Variants in CCDC146 observed in about 807,000 individuals in gnomAD.
The protein encoded by CCDC146 is coiled-coil domain containing 146.
A neutral mutation model predicts 119.3 loss-of-function variants in CCDC146; 92 were observed. The observed-to-expected ratio is 0.77, with a 90% confidence interval of 0.65 to 0.92. The LOEUF (loss-of-function observed/expected upper bound fraction) is 0.92, where lower values mean the gene tolerates loss of function less well. Ranked by LOEUF, CCDC146 falls within the 40% of genes least tolerant of loss-of-function variation. The pLI, the probability that CCDC146 is intolerant of heterozygous loss-of-function variation, is 0.00. For missense variants in CCDC146, 1,000 were observed against 1,103.0 expected, an observed-to-expected ratio of 0.91 and a Z score of 1.32; for synonymous variants, 372 against 371.8, an observed-to-expected ratio of 1.00 and a Z score of -0.01.
At chr7:77,245,445 C>T (rs553085628) in intron 4 of CCDC146, among the ~76,000 whole-genome samples, 1 of 152,176 alleles carries the variant, frequency 6.6e-6, no homozygotes, top group Non-Finnish European at 1.5e-5. Flanking sequence ...ACAGCAAATA[C>T]GTTGCGTCTT....
At chr7:77,134,563 C>CTGTGTGTGTGTG (rs1554345524) in intron 1 of CCDC146, among the ~76,000 whole-genome samples, 10 of 139,406 alleles carry the variant, frequency 7.2e-5, no homozygotes, top group African/African-American at 2.7e-4. Context: ...GTGTGTGTGT[C>CTGTGTGTGTGTG]TGTGTGTGTG....
intron 2 of CCDC146, among the ~76,000 whole-genome samples, chr7:77,178,973 G>T (rs1379114744): frequency 6.6e-6 from 1 of 152,122 alleles, no homozygotes; most frequent in Admixed American, 6.6e-5. Context: ...GGGTACTGTT[G>T]TCTGTTGGGT....
chr7:77,271,655 C>A (rs1258828801), intron 9 of CCDC146, among the ~76,000 whole-genome samples: 4 of 149,358 alleles, frequency 2.7e-5, no homozygotes, highest in African/African-American at 9.9e-5. Flanking sequence ...GGCTCTGCTA[C>A]CAATGGCTTA....
intron 1 of CCDC146, among the ~76,000 whole-genome samples, chr7:77,140,577 G>A (rs1275410423): frequency 1.3e-5 from 2 of 152,110 alleles, no homozygotes; most frequent in South Asian, 2.1e-4. Flanking sequence ...TAATCCCATC[G>A]TGAGGCTCCA....
chr7:77,293,292 T>C, intron 18 of CCDC146, 92 bp downstream of exon 18: 1 of 1,372,900 alleles, frequency 7.3e-7, no homozygotes, highest in Admixed American at 2.1e-5. Flanking sequence ...TAAGAAAAAT[T>C]TCCCCACTCT....
rs1219270984 is a variant in CCDC146, at chr7:77,278,939, TGA to T, written c.1538_1539del (p.Glu513ValfsTer3). On this transcript the variant is annotated frameshift_variant, in exon 13 of 19. Coordinates refer to ENST00000285871, the MANE Select transcript of CCDC146 (RefSeq NM_020879.3). LOFTEE classifies it high-confidence loss of function. ...GTAAACACTTTGTATTTTTACAGAC[TGA>T]GAGAGTTTGCTAAACTGTATGACAC... is the stretch of plus-strand genomic sequence containing the variant. The T allele has an allele frequency of 4.4e-6, 7 of 1,608,432 alleles. No individual in the cohort carries two copies. The South Asian group carries it at 7.8e-5, about 18-fold the overall frequency.
intron 4 of CCDC146, among the ~76,000 whole-genome samples, chr7:77,254,077 C>G (rs1793131110): frequency 6.6e-6 from 1 of 152,124 alleles, no homozygotes; most frequent in South Asian, 2.1e-4. Flanking sequence ...GTTAAAAAAT[C>G]ACTGTGGTAT....
chr7:77,246,510 T>C (rs1181648084), intron 4 of CCDC146: 2 of 152,138 alleles, frequency 1.3e-5, no homozygotes, highest in African/African-American at 4.8e-5. Flanking sequence ...AGATTTAAGT[T>C]TTAATGCAAG....
intron 2 of CCDC146, among the ~76,000 whole-genome samples, chr7:77,201,928 A>AT (rs1562831686): frequency 6.6e-6 from 1 of 152,112 alleles, no homozygotes; most frequent in African/African-American, 2.4e-5. Flanking sequence ...AAAAAAAACC[A>AT]TTTTGTAAAG....
intron 17 of CCDC146, among the ~76,000 whole-genome samples, chr7:77,288,760 G>T (rs1217320969): frequency 1.3e-5 from 2 of 152,194 alleles, no homozygotes; most frequent in Non-Finnish European, 2.9e-5. Flanking sequence ...CTAGTAGGGG[G>T]AGACAGATGA....
intron 2 of CCDC146, among the ~76,000 whole-genome samples, chr7:77,235,654 AT>A (rs1792720227): frequency 6.6e-6 from 1 of 152,134 alleles, no homozygotes; most frequent in Non-Finnish European, 1.5e-5. Flanking sequence ...ACCTTGTCTG[AT>A]TTTTAAAAAG....
chr7:77,262,480 T>C (rs1031932617), intron 9 of CCDC146, among the ~76,000 whole-genome samples, 173 bp downstream of exon 9: 1 of 152,232 alleles, frequency 6.6e-6, no homozygotes, highest in African/African-American at 2.4e-5. Flanking sequence ...CCTATAATGT[T>C]TCGTAATCTC....
intron 2 of CCDC146, among the ~76,000 whole-genome samples, chr7:77,226,709 T>G (rs964137751): frequency 2.0e-5 from 3 of 152,244 alleles, no homozygotes; most frequent in Admixed American, 1.3e-4. Context: ...CTTTGACAAT[T>G]TAAGATTGAA....
At chr7:77,174,328 G>A (rs1791470528) in intron 2 of CCDC146, among the ~76,000 whole-genome samples, 2 of 152,176 alleles carry the variant, frequency 1.3e-5, no homozygotes, top group Admixed American at 6.5e-5. Context: ...TTGCCCTTGA[G>A]AGGGTTGTGA....
At chr7:77,208,087 A>G (rs1240713869) in intron 2 of CCDC146, among the ~76,000 whole-genome samples, 2 of 152,218 alleles carry the variant, frequency 1.3e-5, no homozygotes, top group Non-Finnish European at 2.9e-5. Flanking sequence ...GGCACAGGCA[A>G]CATGTTTGGC....
chr7:77,210,915 G>A (rs1465325340), intron 2 of CCDC146, among the ~76,000 whole-genome samples: 2 of 152,064 alleles, frequency 1.3e-5, no homozygotes, highest in African/African-American at 4.8e-5. Context: ...AACAGCAAGG[G>A]GGATATCTGA....
chr7:77,289,303 T>C (rs1481008979), intron 17 of CCDC146, among the ~76,000 whole-genome samples: 1 of 152,180 alleles, frequency 6.6e-6, no homozygotes, highest in African/African-American at 2.4e-5. Flanking sequence ...GCTAAAGAAA[T>C]GTACATAGCG....
chr7:77,210,610 T>C (rs756283468), intron 2 of CCDC146, among the ~76,000 whole-genome samples: 8 of 152,254 alleles, frequency 5.3e-5, no homozygotes, highest in Non-Finnish European at 1.0e-4. Context: ...CTTAACTTTA[T>C]AGAAATGCCC....
Position 77,286,840 on chromosome 7 carries a change from T to G in CCDC146, c.2191T>G (p.Phe731Val). 6.2e-7 allele frequency: 1 copy of G among 1,613,940 alleles called. No homozygotes were observed. The highest frequency in any genetic ancestry group is 8.5e-7 in the Non-Finnish European group (1 of 1,179,794). Residue 731 changes from phenylalanine (F) to valine (V), a missense_variant, in exon 16 of 19, where the codon TTC becomes GTC. Phe to Val is a conservative substitution (Grantham distance 50). This residue lies in a region of CCDC146 where 985 missense variants were observed against 1,045.3 expected (regional missense o/e 0.94). Transcript: ENST00000285871. ...TDRIKDLEKQ[F>V]VKPDGENRAR... ...CAGAATTAAAGACCTGGAGAAACAG[T>G]TCGTAAAGCCTGATGGTGAGAATAG...
Sources: allele counts gnomAD v4.1 joint callset (sites outside exome capture counted in the v4.1 genomes callset), GRCh38; gene constraint gnomAD v4.1.1; regional missense constraint gnomAD v4.1.1; transcripts MANE v1.5; gene names NCBI Gene and HGNC (gene_info 2026-07-23, HGNC 2026-07-21).